Variants in COL9A1 observed in about 807,000 individuals in gnomAD.
The protein encoded by COL9A1 is collagen alpha-1(IX) chain.
In COL9A1, 104 loss-of-function variants were observed where a neutral mutation model predicts 142.6. That is an observed-to-expected ratio of 0.73 (90% CI 0.62 to 0.86). The LOEUF is 0.86. Ranked by LOEUF, COL9A1 falls within the 40% of genes least tolerant of loss-of-function variation. The pLI is 0.00. For synonymous variants in COL9A1, 466 were observed against 396.0 expected (o/e 1.18, Z -2.10); for missense variants, 1,210 against 1,176.6 (o/e 1.03, Z -0.42).
chr6:70,252,025 A>G, intron 28 of COL9A1, 95 bp downstream of exon 28: 1 of 1,280,282 alleles, frequency 7.8e-7, no homozygotes, highest in Non-Finnish European at 1.1e-6. Context: ...CTCAAACATC[A>G]GACAGCATTC....
intron 28 of COL9A1, among the ~76,000 whole-genome samples, chr6:70,245,213 A>G (rs1770517649): frequency 6.6e-6 from 1 of 152,338 alleles, no homozygotes; most frequent in South Asian, 2.1e-4. Flanking sequence ...TTTGTCTTCT[A>G]AGAACATGCA....
intron 25 of COL9A1, 21 bp from the exon 26 acceptor site, chr6:70,253,450 T>C (rs1562304606): frequency 3.8e-6 from 6 of 1,587,056 alleles, no homozygotes; most frequent in Non-Finnish European, 5.2e-6. Flanking sequence ...ACATACACAA[T>C]CCTAGTTTAA....
intron 19 of COL9A1, among the ~76,000 whole-genome samples, chr6:70,261,544 C>A (rs1047413193): frequency 1.3e-5 from 2 of 152,204 alleles, no homozygotes; most frequent in Non-Finnish European, 2.9e-5. Flanking sequence ...TCTAGGCCAG[C>A]ATTTCCCTCT....
At chr6:70,254,026 T>C (rs1037799259) in intron 25 of COL9A1, among the ~76,000 whole-genome samples, 1 of 152,176 alleles carries the variant, frequency 6.6e-6, no homozygotes, top group African/African-American at 2.4e-5. Flanking sequence ...CCACACGAAC[T>C]TCCAGACACA....
Position 70,271,665 on chromosome 6 carries a change from A to C in COL9A1, c.1133T>G (p.Val378Gly). The change falls in exon 14 of 38, where the codon GTA becomes GGA. Residue 378 changes from valine (V) to glycine (G), a missense_variant. Physicochemically the swap from Val to Gly is moderately radical, Grantham distance 109. Coordinates refer to ENST00000357250, the MANE Select transcript of COL9A1 (RefSeq NM_001851.6). ...TAGLPGELGR[V>G]GPVGDPGRRG... ...CACTGTGGTACTCACAACAGGTCCTACACGGCCAAGCTCTCCAGGGAGTCC... is the reference window on the plus strand; with the variant it reads ...CACTGTGGTACTCACAACAGGTCCTCCACGGCCAAGCTCTCCAGGGAGTCC... 1 of 1,613,986 alleles carries C rather than the reference A, an allele frequency of 6.2e-7. No homozygotes were observed. Among genetic ancestry groups the C allele is most frequent in the South Asian group, 1.1e-5 (1 of 91,082 alleles).
chr6:70,231,133 C>T (rs754605103), intron 36 of COL9A1, among the ~76,000 whole-genome samples: 3 of 152,144 alleles, frequency 2.0e-5, no homozygotes, highest in Non-Finnish European at 2.9e-5. Context: ...TGTGGACCAG[C>T]GAATTTGCAT....
Position 70,298,154 on chromosome 6 carries a change from T to C in COL9A1, c.299+1889A>G, listed in dbSNP as rs144548009. Among the ~76,000 whole-genome samples, 304 of 152,322 alleles carry C rather than the reference T, an allele frequency of 2.0e-3. 2 individuals are homozygous for C. The highest frequency in any genetic ancestry group is 7.1e-3 in the African/African-American group (297 of 41,582). On this transcript the variant is annotated intron_variant, in intron 4 of 37. Transcript: ENST00000357250. ...GGCAGATTATAAAGAAAGGATCCTCTAAGGAGAAAAGACTTTCATATACAT... is the reference window on the plus strand; with the variant it reads ...GGCAGATTATAAAGAAAGGATCCTCCAAGGAGAAAAGACTTTCATATACAT...
intron 10 of COL9A1, among the ~76,000 whole-genome samples, chr6:70,276,335 C>T (rs1446401863): frequency 6.6e-6 from 1 of 152,122 alleles, no homozygotes; most frequent in Non-Finnish European, 1.5e-5. Context: ...AACTGATCCT[C>T]TAATTCTCAC....
In COL9A1 at chr6:70,232,591, C is replaced by A; in HGVS notation, c.2495G>T (p.Gly832Val). The A allele has an allele frequency of 6.2e-7, 1 of 1,613,842 alleles. No individual in the cohort carries two copies. Among genetic ancestry groups the A allele is most frequent in the Non-Finnish European group, 8.5e-7 (1 of 1,180,008 alleles). The part of the protein sequence containing the change: ...KGPPGALGLR[G>V]PKGDLGEKGE... ...TGGGCAAGATGACTTACCTTTAGGT[C>A]CCCTCAAACCAAGAGCACCAGGGGG... Residue 832 changes from glycine (G) to valine (V), a missense_variant, in exon 36 of 38, where the codon GGA (glycine) becomes GTA (valine). Physicochemically the swap from Gly to Val is moderately radical, Grantham distance 109. Transcript: ENST00000357250.
At chr6:70,299,193 C>T (rs1451812526) in intron 4 of COL9A1, among the ~76,000 whole-genome samples, 3 of 151,882 alleles carry the variant, frequency 2.0e-5, no homozygotes, top group Admixed American at 1.3e-4. Context: ...ATATCAGATT[C>T]TTCTAATTTG....
chr6:70,272,036 A>T, intron 13 of COL9A1, 29 bp downstream of exon 13: 1 of 1,605,446 alleles, frequency 6.2e-7, no homozygotes, highest in South Asian at 1.1e-5. Flanking sequence ...TATAGACTGC[A>T]TAAAAATAAA....
At chr6:70,267,713 C>A (rs185898568) in intron 17 of COL9A1, among the ~76,000 whole-genome samples, 2 of 152,198 alleles carry the variant, frequency 1.3e-5, no homozygotes, top group African/African-American at 4.8e-5. Context: ...CTTTTCTTGT[C>A]AGGCCACTTG....
intron 20 of COL9A1, among the ~76,000 whole-genome samples, chr6:70,257,206 G>A (rs931078711): frequency 7.9e-5 from 12 of 152,026 alleles, no homozygotes; most frequent in South Asian, 4.2e-4. Flanking sequence ...GACTACAGGC[G>A]CACGCCGTCA....
At chr6:70,252,224 C>T (rs377010978) in intron 27 of COL9A1, 38 bp downstream of exon 27, 39 of 1,613,916 alleles carry the variant, frequency 2.4e-5, no homozygotes, top group Non-Finnish European at 3.1e-5. Flanking sequence ...CTGATTACAA[C>T]AGGTTAGAAC....
At chr6:70,285,256 G>A (rs1164100099) in intron 5 of COL9A1, among the ~76,000 whole-genome samples, 3 of 152,180 alleles carry the variant, frequency 2.0e-5, no homozygotes, top group East Asian at 3.9e-4. Context: ...GGGTTGTTCA[G>A]AGTGCCACAT....
chr6:70,280,769 A>T, intron 10 of COL9A1, 43 bp downstream of exon 10: 2 of 1,589,650 alleles, frequency 1.3e-6, no homozygotes, highest in Non-Finnish European at 8.6e-7. Flanking sequence ...CGTACCCACC[A>T]CACACCCCAG....
At chr6:70,234,615 G>A (rs1408666349) in intron 34 of COL9A1, 22 bp from the exon 35 acceptor site, 2 of 1,614,034 alleles carry the variant, frequency 1.2e-6, no homozygotes, top group South Asian at 2.2e-5. Context: ...AAGAAAAAAA[G>A]GCAGTTTATG....
At chr6:70,244,925 G>A (rs971905615) in intron 28 of COL9A1, among the ~76,000 whole-genome samples, 3 of 152,180 alleles carry the variant, frequency 2.0e-5, no homozygotes, top group Non-Finnish European at 4.4e-5. Flanking sequence ...CTGCTCTGCT[G>A]AACTTGTGTA....
intron 5 of COL9A1, among the ~76,000 whole-genome samples, chr6:70,284,928 T>C (rs567670407): frequency 8.5e-5 from 13 of 152,340 alleles, no homozygotes; most frequent in African/African-American, 2.4e-4. Context: ...TTTCACTGTT[T>C]TGGAATCATC....
Sources: gnomAD v4.1 joint callset for allele counts (sites outside exome capture counted in the v4.1 genomes callset) on GRCh38, gnomAD v4.1.1 for gene constraint, MANE v1.5 for transcripts, NCBI Gene and HGNC (gene_info 2026-07-23, HGNC 2026-07-21) for gene names.